Variants in ANKS1B observed in about 807,000 individuals in gnomAD.
The protein encoded by ANKS1B is ankyrin repeat and sterile alpha motif domain-containing protein 1B.
ANKS1B carries 36 observed loss-of-function variants against 148.3 expected under a neutral mutation model. That is an observed-to-expected ratio of 0.24 (90% CI 0.19 to 0.32). The LOEUF is 0.32. ANKS1B is among the 10% of genes least tolerant of loss of function. ANKS1B has a pLI of 1.00. For synonymous variants in ANKS1B, 542 were observed against 560.8 expected, an observed-to-expected ratio of 0.97 and a Z score of 0.47; for missense variants, 1,157 against 1,542.6, an observed-to-expected ratio of 0.75 and a Z score of 4.19.
intron 10 of ANKS1B, among the ~76,000 whole-genome samples, chr12:99,458,656 C>A (rs2095888102): frequency 6.6e-6 from 1 of 151,434 alleles, no homozygotes; most frequent in Admixed American, 6.6e-5. Context: ...AACTAGAAAA[C>A]CTAGAGGAGA....
chr12:99,051,178 G>A (rs1170064241), intron 17 of ANKS1B, among the ~76,000 whole-genome samples: 1 of 152,120 alleles, frequency 6.6e-6, no homozygotes, highest in Admixed American at 6.5e-5. Flanking sequence ...CCCCGGCACT[G>A]GGGAAAGTGA....
chr12:98,850,264 T>C (rs774199388), intron 17 of ANKS1B, among the ~76,000 whole-genome samples: 5 of 152,316 alleles, frequency 3.3e-5, no homozygotes, highest in Admixed American at 2.0e-4. Flanking sequence ...TTGTCATATA[T>C]CCCACAATTG....
chr12:99,796,146 G>C (rs2066226578), intron 4 of ANKS1B, among the ~76,000 whole-genome samples: 1 of 151,926 alleles, frequency 6.6e-6, no homozygotes, highest in Non-Finnish European at 1.5e-5. Flanking sequence ...TACCAGAACA[G>C]TCGATCTGAT....
intron 2 of ANKS1B, among the ~76,000 whole-genome samples, chr12:99,823,582 A>G (rs1201851582): frequency 6.6e-6 from 1 of 152,200 alleles, no homozygotes; most frequent in East Asian, 1.9e-4. Flanking sequence ...CTGGGATTAC[A>G]GGCATGAGCC....
chr12:98,799,624 G>T (rs2098983147), intron 21 of ANKS1B, among the ~76,000 whole-genome samples: 1 of 151,996 alleles, frequency 6.6e-6, no homozygotes, highest in Admixed American at 6.6e-5. Context: ...GCTGAATGGA[G>T]CTAGAAGGAT....
At chr12:99,112,225 G>T (rs184319511) in intron 15 of ANKS1B, among the ~76,000 whole-genome samples, 1 of 152,028 alleles carries the variant, frequency 6.6e-6, no homozygotes, top group African/African-American at 2.4e-5. Flanking sequence ...CTTTCCTCAT[G>T]CCTGTGTTAA....
chr12:99,948,392 A>T (rs2095128061), intron 1 of ANKS1B, among the ~76,000 whole-genome samples: 1 of 152,020 alleles, frequency 6.6e-6, no homozygotes, highest in Non-Finnish European at 1.5e-5. Context: ...AAAAAAAAGA[A>T]AAAAAAAGGC....
chr12:99,564,003 A>G (rs535342067), intron 9 of ANKS1B, among the ~76,000 whole-genome samples: 7 of 152,296 alleles, frequency 4.6e-5, no homozygotes, highest in African/African-American at 1.4e-4. Context: ...TACATTTTAT[A>G]GTTTTCTAGA....
intron 1 of ANKS1B, among the ~76,000 whole-genome samples, chr12:99,966,589 T>C (rs973207366): frequency 1.3e-5 from 2 of 152,162 alleles, no homozygotes; most frequent in African/African-American, 4.8e-5. Context: ...AATTAGATAC[T>C]ACTGTATAGT....
chr12:98,843,678 C>T (rs2099424535), intron 17 of ANKS1B, among the ~76,000 whole-genome samples: 1 of 152,076 alleles, frequency 6.6e-6, no homozygotes. Context: ...TACTGAAACC[C>T]AGCTAAATAA....
At position 99,504,650 on chromosome 12, in the gene ANKS1B, A is replaced by T. The variant is rs1174675455; in HGVS notation, c.1273-9T>A. ...TTCTTTGGATAGGACTCCTGAAAAG[A>T]AGAAAAAATAAAAACAGCTTTGTGA... On this transcript the variant is annotated splice_polypyrimidine_tract_variant and intron_variant, in intron 9 of 26. Transcript: ENST00000683438. 6.6e-7 allele frequency: 1 copy of T among 1,520,446 alleles called. No homozygotes were observed. The highest frequency in any genetic ancestry group is 2.3e-5 in the East Asian group (1 of 42,718). 94.2% of individuals were successfully genotyped at this position (1,520,446 alleles called of 1,614,324 possible).
rs145832578 is a variant in ANKS1B, at chr12:99,308,605, C to T, written c.1757-61741G>A. 5.3e-4 allele frequency among the ~76,000 whole-genome samples: 81 copies of T among 151,806 alleles called. 1 individual carries two copies. The highest frequency in any genetic ancestry group is 2.5e-4 in the Non-Finnish European group (17 of 67,812). On this transcript the variant is annotated intron_variant, in intron 12 of 26. Transcript: ENST00000683438. Reference sequence around the variant, plus strand: ...CCATATTTTCAAGCTAATTTTGGCTCCTTGTTTTTCCTCATTAATTTTAGA... The same window carrying T: ...CCATATTTTCAAGCTAATTTTGGCTTCTTGTTTTTCCTCATTAATTTTAGA...
chr12:99,715,067 T>C (rs2057128647), intron 8 of ANKS1B, among the ~76,000 whole-genome samples: 3 of 151,698 alleles, frequency 2.0e-5, no homozygotes, highest in Non-Finnish European at 4.4e-5. Flanking sequence ...AGGCGGGGGT[T>C]GCAATAAGCA....
At chr12:99,068,686 G>C (rs921467930) in intron 16 of ANKS1B, among the ~76,000 whole-genome samples, 5 of 143,850 alleles carry the variant, frequency 3.5e-5, no homozygotes, top group Non-Finnish European at 3.1e-5. Flanking sequence ...AGGGATGCAG[G>C]TGGGAGGGGT....
chr12:98,939,274 G>T (rs2099830711), intron 17 of ANKS1B, among the ~76,000 whole-genome samples: 1 of 152,178 alleles, frequency 6.6e-6, no homozygotes, highest in Non-Finnish European at 1.5e-5. Context: ...TTGTTAATTT[G>T]CATCATGGAT....
chr12:99,001,318 G>A (rs563455830), intron 17 of ANKS1B, among the ~76,000 whole-genome samples: 13 of 151,866 alleles, frequency 8.6e-5, no homozygotes, highest in Non-Finnish European at 1.3e-4. Context: ...TTGTAGAGAC[G>A]AGGTCTCACT....
intron 10 of ANKS1B, among the ~76,000 whole-genome samples, chr12:99,460,599 C>G (rs1367232336): frequency 2.0e-5 from 3 of 151,878 alleles, no homozygotes; most frequent in African/African-American, 4.8e-5. Flanking sequence ...CATGAATAGA[C>G]AGTTACCAAA....
chr12:99,778,274 A>C (rs1346417737), intron 6 of ANKS1B, among the ~76,000 whole-genome samples: 1 of 152,090 alleles, frequency 6.6e-6, no homozygotes, highest in Non-Finnish European at 1.5e-5. Context: ...TTAAGAGGCC[A>C]AGGTGGCTGG....
chr12:99,259,315 G>A (rs2075668923), intron 12 of ANKS1B, among the ~76,000 whole-genome samples: 1 of 152,220 alleles, frequency 6.6e-6, no homozygotes, highest in African/African-American at 2.4e-5. Flanking sequence ...ATGCTGAATG[G>A]TGTTAGATAG....
Sources: allele counts gnomAD v4.1 joint callset (sites outside exome capture counted in the v4.1 genomes callset), GRCh38; gene constraint gnomAD v4.1.1; transcripts MANE v1.5; gene names NCBI Gene and HGNC (gene_info 2026-07-23, HGNC 2026-07-21).